MAF: variants seen among roughly 807,000 people sequenced by gnomAD.
The protein encoded by MAF is MAF bZIP transcription factor.
A neutral mutation model predicts 22.0 loss-of-function variants in MAF; 10 were observed. The observed-to-expected ratio is 0.45, with a 90% CI of 0.28 to 0.77. The LOEUF is 0.77. Ranked by LOEUF, MAF falls within the 30% of genes least tolerant of loss-of-function variation. The probability of loss-of-function intolerance (pLI) is 0.12; values close to 1 mark genes in which losing one functional copy is unlikely to be tolerated. For missense variants in MAF, 544 were observed against 548.4 expected (o/e 0.99, Z 0.08); for synonymous variants, 337 against 255.8 (o/e 1.32, Z -3.03).
the MAF span, among the ~76,000 whole-genome samples, chr16:79,258,452 T>C: frequency 1.3e-5 from 2 of 152,210 alleles, no homozygotes; most frequent in African/African-American, 2.4e-5. Context: ...GAGAGCCTTG[T>C]GGGGTCCAAG....
At chr16:79,254,495 A>AT in the MAF span, among the ~76,000 whole-genome samples, 2 of 152,164 alleles carry the variant, frequency 1.3e-5, no homozygotes, top group African/African-American at 4.8e-5. Flanking sequence ...TGAATACATG[A>AT]TTTTTATTAT....
the MAF span, among the ~76,000 whole-genome samples, chr16:79,380,730 G>A: frequency 6.6e-6 from 1 of 152,202 alleles, no homozygotes; most frequent in Non-Finnish European, 1.5e-5. Context: ...CAGATGGGAA[G>A]ACTGAGGCCA....
At chr16:79,586,410 C>G (rs1912845696) in intron 1 of MAF, among the ~76,000 whole-genome samples, 1 of 152,168 alleles carries the variant, frequency 6.6e-6, no homozygotes, top group African/African-American at 2.4e-5. Context: ...CTTCCATCTG[C>G]CCCCACCTCC....
the MAF span, among the ~76,000 whole-genome samples, chr16:79,250,318 T>C: frequency 2.0e-5 from 3 of 152,206 alleles, no homozygotes; most frequent in Non-Finnish European, 4.4e-5. Flanking sequence ...TATTGTGATT[T>C]TCATGCCTAC....
the MAF span, among the ~76,000 whole-genome samples, chr16:79,435,541 G>A: frequency 6.6e-6 from 1 of 152,198 alleles, no homozygotes; most frequent in Non-Finnish European, 1.5e-5. Flanking sequence ...AGGCCATGAG[G>A]TAGATGCTAT....
the MAF span, among the ~76,000 whole-genome samples, chr16:79,560,193 A>C: frequency 6.6e-6 from 1 of 150,416 alleles, no homozygotes; most frequent in South Asian, 2.2e-4. Context: ...CTACAGGTGC[A>C]CCTGGGCCAG....
chr16:79,444,308 C>T, the MAF span, among the ~76,000 whole-genome samples: 2 of 152,046 alleles, frequency 1.3e-5, no homozygotes, highest in African/African-American at 4.8e-5. Flanking sequence ...CTTCTTTATG[C>T]TTTCAGTCTA....
chr16:79,376,085 C>A, the MAF span, among the ~76,000 whole-genome samples: 1 of 148,098 alleles, frequency 6.8e-6, no homozygotes, highest in East Asian at 2.0e-4. Flanking sequence ...AGTGAAGCAA[C>A]AATTATTCTA....
the MAF span, among the ~76,000 whole-genome samples, chr16:79,409,484 C>T: frequency 6.6e-5 from 10 of 152,192 alleles, no homozygotes; most frequent in Non-Finnish European, 1.5e-4. Flanking sequence ...TCAGCTTGCT[C>T]GATAGCTTGG....
the MAF span, among the ~76,000 whole-genome samples, chr16:79,334,593 T>C: frequency 1.3e-5 from 2 of 152,198 alleles, no homozygotes; most frequent in African/African-American, 4.8e-5. Context: ...ACGAGGGGTC[T>C]CTTGCTAAAA....
the MAF span, among the ~76,000 whole-genome samples, chr16:79,578,941 G>A: frequency 2.0e-5 from 3 of 152,130 alleles, no homozygotes; most frequent in African/African-American, 7.2e-5. Context: ...TATTTATCAA[G>A]CTAACAAGGG....
At chr16:79,394,109 C>T in the MAF span, among the ~76,000 whole-genome samples, 1 of 152,054 alleles carries the variant, frequency 6.6e-6, no homozygotes, top group Non-Finnish European at 1.5e-5. Flanking sequence ...GTGTGGTTGC[C>T]CATGGAGTTC....
At chr16:79,476,065 A>C in the MAF span, among the ~76,000 whole-genome samples, 1 of 152,194 alleles carries the variant, frequency 6.6e-6, no homozygotes, top group Non-Finnish European at 1.5e-5. Flanking sequence ...GATGGCTTGG[A>C]AGAGAATTTA....
the MAF span, among the ~76,000 whole-genome samples, chr16:79,360,490 G>C: frequency 5.3e-5 from 8 of 152,180 alleles, no homozygotes; most frequent in Non-Finnish European, 1.0e-4. Context: ...TTTCTCATCT[G>C]TAACTTGCAG....
chr16:79,575,953 G>T, the MAF span, among the ~76,000 whole-genome samples: 41 of 152,016 alleles, frequency 2.7e-4, no homozygotes, highest in Non-Finnish European at 4.4e-4. Flanking sequence ...AGAACAGAGA[G>T]TCCTAAACCG....
intron 1 of MAF, among the ~76,000 whole-genome samples, chr16:79,588,296 T>C (rs765438607): frequency 6.6e-6 from 1 of 152,186 alleles, no homozygotes; most frequent in African/African-American, 2.4e-5. Context: ...GCCTTTTACG[T>C]GGGAAGATTG....
the MAF span, among the ~76,000 whole-genome samples, chr16:79,233,058 T>A: frequency 6.6e-6 from 1 of 151,822 alleles, no homozygotes; most frequent in Non-Finnish European, 1.5e-5. Flanking sequence ...GCCAGGATGG[T>A]CTCGATCTCC....
the MAF span, among the ~76,000 whole-genome samples, chr16:79,286,874 C>T: frequency 2.6e-5 from 4 of 152,204 alleles, no homozygotes; most frequent in Non-Finnish European, 2.9e-5. Flanking sequence ...CATGCCTCTT[C>T]CCCGCCTCCT....
At chr16:79,346,969 T>C in the MAF span, among the ~76,000 whole-genome samples, 1 of 152,134 alleles carries the variant, frequency 6.6e-6, no homozygotes, top group Non-Finnish European at 1.5e-5. Flanking sequence ...ACATTGGGTG[T>C]GACTGGTTGG....
Sources: allele counts gnomAD v4.1 joint callset (sites outside exome capture counted in the v4.1 genomes callset), GRCh38; gene constraint gnomAD v4.1.1; transcripts MANE v1.5; gene names NCBI Gene and HGNC (gene_info 2026-07-23, HGNC 2026-07-21).